Variants in CCNJL observed in about 807,000 individuals in gnomAD.
The protein encoded by CCNJL is cyclin J like, also known as cyclin-J-like protein.
CCNJL carries 33 observed loss-of-function variants against 33.4 expected under a neutral mutation model. The ratio of observed to expected loss-of-function variants is 0.99; its 90% CI spans 0.75 to 1.32. The LOEUF (loss-of-function observed/expected upper bound fraction) is 1.32. CCNJL is among the 40% of genes most tolerant of loss of function. The pLI is 0.00. For missense variants in CCNJL, 512 were observed against 499.7 expected (o/e 1.02, Z -0.23); for synonymous variants, 227 against 220.9 (o/e 1.03, Z -0.24).
intron 1 of CCNJL, among the ~76,000 whole-genome samples, chr5:160,330,577 A>G (rs1235751011): frequency 3.3e-5 from 5 of 151,938 alleles, no homozygotes; most frequent in African/African-American, 1.2e-4. Flanking sequence ...TTCAAAGTGC[A>G]CCTCCTGGCC....
At chr5:160,281,537 A>G (rs1762214693) in intron 2 of CCNJL, 1 of 152,366 alleles carries the variant, frequency 6.6e-6, no homozygotes, top group South Asian at 2.1e-4. Flanking sequence ...CTCAAGAAAA[A>G]CCAATAAAAG....
intron 2 of CCNJL, among the ~76,000 whole-genome samples, chr5:160,290,156 T>C (rs1318219295): frequency 6.6e-6 from 1 of 152,242 alleles, no homozygotes; most frequent in Non-Finnish European, 1.5e-5. Context: ...GTTTAACTTT[T>C]AGTGTCCTGC....
intron 4 of CCNJL, among the ~76,000 whole-genome samples, chr5:160,257,146 G>A (rs1761101111): frequency 1.3e-5 from 2 of 151,916 alleles, no homozygotes; most frequent in Non-Finnish European, 2.9e-5. Flanking sequence ...TTTGAGACGA[G>A]CCTGAGCAAC....
chr5:160,265,264 G>A (rs1761526780), intron 3 of CCNJL, among the ~76,000 whole-genome samples: 1 of 152,196 alleles, frequency 6.6e-6, no homozygotes, highest in Non-Finnish European at 1.5e-5. Flanking sequence ...CTTAACCCAG[G>A]CTCAGAGATT....
chr5:160,312,653 G>T (rs1245227032), upstream of CCNJL: 3 of 151,836 alleles, frequency 2.0e-5, no homozygotes, highest in Admixed American at 6.6e-5. Flanking sequence ...CCGCGGGGCG[G>T]GGGGCTGGGA....
At chr5:160,254,370 T>A (rs1760961198) in intron 5 of CCNJL, 2 of 656,360 alleles carry the variant, frequency 3.0e-6, no homozygotes, top group African/African-American at 3.7e-5. Context: ...CAAAAAAAGC[T>A]TCCCATATAG....
chr5:160,260,380 G>A lies in CCNJL; in HGVS notation c.281-609C>T, dbSNP rs79552340. 5.3e-5 allele frequency among the ~76,000 whole-genome samples: 8 copies of A among 152,280 alleles called. No individual in the cohort carries two copies. The East Asian group carries it at 1.5e-3, about 29-fold the overall frequency. On this transcript the variant is annotated intron_variant, in intron 3 of 5. Coordinates refer to ENST00000257536, the MANE Select transcript of CCNJL (RefSeq NM_001308173.3). ...GCCCAGGAAAGATCGGTAGGTGGGG[G>A]ACGAGAACAGGAAAGGGAAGAAAGC...
At chr5:160,304,343 AT>A (rs1196686781) in intron 2 of CCNJL, among the ~76,000 whole-genome samples, 2 of 151,942 alleles carry the variant, frequency 1.3e-5, no homozygotes, top group African/African-American at 4.8e-5. Context: ...CCCCAACCTC[AT>A]TTGCGGTTTT....
chr5:160,280,577 G>C lies in CCNJL; in HGVS notation c.228C>G (p.Val76=), dbSNP rs765870739. ...CGGTGTAGAGCTGCTTGGAGGTGGTGACGTTGTAGCGATCCATGAAGTGGT... is the reference window on the plus strand; with the variant it reads ...CGGTGTAGAGCTGCTTGGAGGTGGTCACGTTGTAGCGATCCATGAAGTGGT... ...LLDHFMDRYN[V]TTSKQLYTVA... The change falls in exon 3 of 6, where the codon GTC becomes GTG. Residue 76 remains valine (V), a synonymous_variant. Coordinates refer to ENST00000257536, the MANE Select transcript of CCNJL (RefSeq NM_001308173.3). 5 of 1,612,826 alleles carry C rather than the reference G, an allele frequency of 3.1e-6. No homozygotes were observed. Among genetic ancestry groups the C allele is most frequent in the Non-Finnish European group, 4.2e-6 (5 of 1,179,830 alleles).
At chr5:160,256,371 A>G (rs1178492991) in intron 4 of CCNJL, among the ~76,000 whole-genome samples, 1 of 152,230 alleles carries the variant, frequency 6.6e-6, no homozygotes, top group African/African-American at 2.4e-5. Flanking sequence ...GGTATGACTT[A>G]AAGCTACTTA....
intron 2 of CCNJL, 56 bp from the exon 3 acceptor site, chr5:160,280,794 G>T: frequency 8.3e-7 from 1 of 1,198,406 alleles, no homozygotes. Flanking sequence ...TGAGAGTCTC[G>T]GCTGTCCCAG....
intron 1 of CCNJL, among the ~76,000 whole-genome samples, chr5:160,335,839 T>C (rs1042728056): frequency 1.3e-5 from 2 of 151,872 alleles, no homozygotes; most frequent in Middle Eastern, 3.4e-3. Flanking sequence ...CCGCTTCAGC[T>C]TCCCAAAGTG....
intron 3 of CCNJL, chr5:160,261,003 G>A (rs529559976): frequency 2.0e-5 from 3 of 152,440 alleles, no homozygotes; most frequent in South Asian, 2.1e-4. Context: ...TGCCAAAAGA[G>A]GCATTGGGGC....
intron 2 of CCNJL, among the ~76,000 whole-genome samples, chr5:160,286,301 T>C (rs969423763): frequency 1.3e-5 from 2 of 152,176 alleles, no homozygotes; most frequent in African/African-American, 4.8e-5. Context: ...GGGAGAAGCG[T>C]CCTTTGCCTT....
At chr5:160,288,854 A>T (rs1409021796) in intron 2 of CCNJL, among the ~76,000 whole-genome samples, 1 of 148,878 alleles carries the variant, frequency 6.7e-6, no homozygotes, top group African/African-American at 2.5e-5. Flanking sequence ...AAAAAAAAAG[A>T]ATAACATCAC....
intron 3 of CCNJL, among the ~76,000 whole-genome samples, chr5:160,278,149 C>T (rs534453313): frequency 8.5e-5 from 13 of 152,208 alleles, no homozygotes; most frequent in Admixed American, 6.5e-5. Flanking sequence ...TCAGGTTATC[C>T]GACTGGCCTG....
At chr5:160,258,099 G>C (rs1373304093) in intron 4 of CCNJL, among the ~76,000 whole-genome samples, 1 of 152,068 alleles carries the variant, frequency 6.6e-6, no homozygotes, top group Non-Finnish European at 1.5e-5. Flanking sequence ...GCCCACCTCA[G>C]CCTCCCAAAG....
chr5:160,270,812 C>T (rs1362309186), intron 3 of CCNJL, among the ~76,000 whole-genome samples: 1 of 152,226 alleles, frequency 6.6e-6, no homozygotes, highest in Non-Finnish European at 1.5e-5. Context: ...AGGCAAGACT[C>T]TGCTGCTGGG....
intron 3 of CCNJL, among the ~76,000 whole-genome samples, chr5:160,271,478 CAGCT>C (rs1761831986): frequency 6.6e-6 from 1 of 152,210 alleles, no homozygotes; most frequent in Non-Finnish European, 1.5e-5. Flanking sequence ...CCGGCCCAGC[CAGCT>C]GTCTGACAGG....
Sources: gnomAD v4.1 joint callset for allele counts (sites outside exome capture counted in the v4.1 genomes callset) on GRCh38, gnomAD v4.1.1 for gene constraint, MANE v1.5 for transcripts, NCBI Gene and HGNC (gene_info 2026-07-23, HGNC 2026-07-21) for gene names.